Variants in ANKRD33B observed in about 807,000 individuals in gnomAD.
ANKRD33B encodes the protein ankyrin repeat domain-containing protein 33B.
Under a neutral mutation model 21.5 loss-of-function variants are expected in ANKRD33B, and 6 were observed. The observed-to-expected ratio is 0.28, with a 90% confidence interval of 0.15 to 0.55. The LOEUF is 0.55. Among genes scored for constraint, ANKRD33B ranks in the 20% least tolerant of loss-of-function variants. ANKRD33B has a pLI of 0.94. For synonymous variants in ANKRD33B, 347 were observed against 342.4 expected (o/e 1.01, Z -0.15); for missense variants, 698 against 747.2 (o/e 0.93, Z 0.77).
rs1255829716 is a variant in ANKRD33B at position 10,619,096 on chromosome 5, A to T, written c.496+634A>T. Among the ~76,000 whole-genome samples, 1 of 152,060 alleles carries T rather than the reference A, an allele frequency of 6.6e-6. No individual in the cohort carries two copies. Among genetic ancestry groups the T allele is most frequent in the Admixed American group, 6.5e-5 (1 of 15,280 alleles). Reference sequence around the variant, plus strand: ...ACTGTATCCAGACATTTTTTTGAGGACAGACATGAAACCTATGCTTGCCTC... The same window carrying T: ...ACTGTATCCAGACATTTTTTTGAGGTCAGACATGAAACCTATGCTTGCCTC... On this transcript the variant is annotated intron_variant, in intron 2 of 3. Coordinates refer to ENST00000296657, the MANE Select transcript of ANKRD33B (RefSeq NM_001164440.2). The surrounding 1 kb of genome is among the most constrained non-coding windows in gnomAD (Gnocchi z 4.5).
chr5:10,564,522 C>G lies in ANKRD33B; in HGVS notation c.55C>G (p.Pro19Ala). The G allele has an allele frequency of 6.5e-7, 1 of 1,531,652 alleles. No homozygotes were observed. The highest frequency in any genetic ancestry group is 8.7e-7 in the Non-Finnish European group (1 of 1,145,396). The allele number at this position is 1,531,652 out of a possible 1,614,324, so 94.9% of individuals were successfully genotyped here. A position where few individuals can be genotyped will look rare whatever the true frequency, so the allele number is the denominator to read the frequency against. ...PEGGGARCMT[P>A]PPPSPPRGAQ... ...GGGCGGCGGGGCGCGCTGCATGACC[C>G]CACCACCGCCGTCCCCACCCCGGGG... is the stretch of plus-strand genomic sequence containing the variant. Residue 19 changes from proline to alanine, a missense_variant, in exon 1 of 4, where the codon CCA (proline) becomes GCA (alanine). Physicochemically the swap from Pro to Ala is conservative, Grantham distance 27 (BLOSUM62 -1). Coordinates refer to ENST00000296657, the MANE Select transcript of ANKRD33B (RefSeq NM_001164440.2).
At chr5:10,616,277 T>C (rs1329943964) in intron 1 of ANKRD33B, among the ~76,000 whole-genome samples, 1 of 152,138 alleles carries the variant, frequency 6.6e-6, no homozygotes, top group Non-Finnish European at 1.5e-5. Context: ...ATATTCTTAC[T>C]AAAAATTGGC....
intron 1 of ANKRD33B, among the ~76,000 whole-genome samples, chr5:10,604,390 G>A (rs569771026): frequency 1.4e-5 from 2 of 147,562 alleles, no homozygotes; most frequent in Admixed American, 6.8e-5. Flanking sequence ...ATGGGGTTTC[G>A]CCATGTCGAC....
At chr5:10,587,175 C>T (rs770714693) in intron 1 of ANKRD33B, among the ~76,000 whole-genome samples, 5 of 152,052 alleles carry the variant, frequency 3.3e-5, no homozygotes, top group South Asian at 2.1e-4. Context: ...CCACCATGCC[C>T]GGCTGATTTT....
chr5:10,644,129 G>A (rs371417780), intron 3 of ANKRD33B, among the ~76,000 whole-genome samples: 3 of 151,956 alleles, frequency 2.0e-5, no homozygotes, highest in East Asian at 1.9e-4. Flanking sequence ...ATTTAAATAC[G>A]TGATATTAAG....
chr5:10,586,533 GTA>G lies in ANKRD33B; in HGVS notation c.366+21703_366+21704del, dbSNP rs1553991119. Among the ~76,000 whole-genome samples the G allele has an allele frequency of 5.4e-4, 67 of 123,618 alleles. 1 individual carries two copies. The highest frequency in any genetic ancestry group is 4.2e-3 in the Middle Eastern group (1 of 236). 81.1% of individuals were successfully genotyped at this position (123,618 alleles called of 152,430 possible). Reference sequence around the variant, plus strand: ...TGTGTGTGTGTGTGTGTGTGTGTGTGTATACTGCTTTCTTCTCTTTATTTTCC... The same window carrying G: ...TGTGTGTGTGTGTGTGTGTGTGTGTGTACTGCTTTCTTCTCTTTATTTTCC... On this transcript the variant is annotated intron_variant, in intron 1 of 3. Transcript: ENST00000296657.
At chr5:10,604,601 A>G (rs1736004118) in intron 1 of ANKRD33B, among the ~76,000 whole-genome samples, 1 of 151,844 alleles carries the variant, frequency 6.6e-6, no homozygotes, top group Non-Finnish European at 1.5e-5. Flanking sequence ...AGATTTTCTT[A>G]GCTGAGTTGC....
chr5:10,577,478 A>G (rs1224728731), intron 1 of ANKRD33B, among the ~76,000 whole-genome samples: 1 of 152,184 alleles, frequency 6.6e-6, no homozygotes, highest in Non-Finnish European at 1.5e-5. Context: ...GTCGGGGCCC[A>G]TCCTGGGTCT....
At position 10,632,750 on chromosome 5, in the gene ANKRD33B, C is replaced by T. The variant is rs112666461; in HGVS notation, c.497-5278C>T. 2.8e-4 allele frequency among the ~76,000 whole-genome samples: 43 copies of T among 152,224 alleles called. 1 individual carries two copies. Among genetic ancestry groups the T allele is most frequent in the African/African-American group, 7.2e-4 (30 of 41,560 alleles). On this transcript the variant is annotated intron_variant, in intron 2 of 3. Transcript: ENST00000296657. ...GTCCTGACCTTGCACTCTTTTTGAA[C>T]GGCTCTATGCTAGTTTCCCCTTTTT...
intron 1 of ANKRD33B, among the ~76,000 whole-genome samples, chr5:10,580,532 T>G (rs1735422583): frequency 6.6e-6 from 1 of 152,202 alleles, no homozygotes; most frequent in Non-Finnish European, 1.5e-5. Context: ...CCCTTCAGGT[T>G]TTCTCTACCC....
chr5:10,596,095 C>G (rs1359062407), intron 1 of ANKRD33B, among the ~76,000 whole-genome samples: 4 of 152,230 alleles, frequency 2.6e-5, no homozygotes, highest in Non-Finnish European at 5.9e-5. Flanking sequence ...CAAACCAAAA[C>G]AACAGAATGA....
At chr5:10,598,412 A>G (rs1487506053) in intron 1 of ANKRD33B, among the ~76,000 whole-genome samples, 1 of 151,972 alleles carries the variant, frequency 6.6e-6, no homozygotes, top group Non-Finnish European at 1.5e-5. Flanking sequence ...GATTACAGGC[A>G]TGCACCACCA....
At chr5:10,575,466 C>T (rs974232439) in intron 1 of ANKRD33B, among the ~76,000 whole-genome samples, 1 of 151,626 alleles carries the variant, frequency 6.6e-6, no homozygotes, top group Non-Finnish European at 1.5e-5. Flanking sequence ...CATTGTTGGG[C>T]CTTACCTTTA....
rs571673456 is a variant in ANKRD33B, at chr5:10,649,274, G to T, written c.646G>T (p.Val216Phe). ...TGTTTTGCGTTTTGCAGGGGCGGAT[G>T]TCCACGCGAGGGACCCCCGCCGTGG... The part of the protein sequence containing the change: ...IRALMLAGAD[V>F]HARDPRRGMS... The change falls in exon 4 of 4, where the codon GTC becomes TTC. Residue 216 changes from valine (V) to phenylalanine (F), a missense_variant. Physicochemically the swap from Val to Phe is conservative, Grantham distance 50. Coordinates refer to ENST00000296657, the MANE Select transcript of ANKRD33B (RefSeq NM_001164440.2). 6.6e-7 allele frequency: 1 copy of T among 1,521,972 alleles called. No individual in the cohort carries two copies. The highest frequency in any genetic ancestry group is 2.5e-5 in the East Asian group (1 of 40,530). 94.3% of individuals were successfully genotyped at this position (1,521,972 alleles called of 1,614,324 possible). A position where few individuals can be genotyped will look rare whatever the true frequency, so the allele number is the denominator to read the frequency against.
rs533734363 is a variant in ANKRD33B, at chr5:10,631,964, A to T, written c.497-6064A>T. ...TCAGGCGGTTGGTTTATATCAGTGG[A>T]GGAGTCTTTAGAACGGGCTGGTTTC... is the stretch of plus-strand genomic sequence containing the variant. On this transcript the variant is annotated intron_variant, in intron 2 of 3. Transcript: ENST00000296657. Among the ~76,000 whole-genome samples, 4 of 152,260 alleles carry T rather than the reference A, an allele frequency of 2.6e-5. No homozygotes were observed. The East Asian group carries it at 7.7e-4, about 29-fold the overall frequency.
intron 2 of ANKRD33B, among the ~76,000 whole-genome samples, chr5:10,630,609 A>G (rs1029595095): frequency 1.3e-4 from 20 of 152,250 alleles, no homozygotes; most frequent in African/African-American, 4.3e-4. Context: ...CCATGTTCCC[A>G]TAACATGCGT....
chr5:10,564,729 A>G lies in ANKRD33B; in HGVS notation c.262A>G (p.Thr88Ala). ...GVPESVPETATLLRAACANNV... is the reference protein window; with the variant it reads ...GVPESVPETAALLRAACANNV... ...CCCGGAAAGCGTCCCGGAGACGGCG[A>G]CCCTCCTGCGCGCCGCCTGCGCCAA... Residue 88 changes from threonine to alanine, a missense_variant, in exon 1 of 4, where the codon ACC (threonine) becomes GCC (alanine). Around this residue, in one of 3 missense-constraint regions of ANKRD33B, gnomAD observed 148 missense variants for 154.9 expected, o/e 0.96. Transcript: ENST00000296657. 6.5e-7 allele frequency: 1 copy of G among 1,532,462 alleles called. No homozygotes were observed. The highest frequency in any genetic ancestry group is 8.7e-7 in the Non-Finnish European group (1 of 1,145,240). The allele number at this position is 1,532,462 out of a possible 1,614,324, so 94.9% of individuals were successfully genotyped here.
At chr5:10,617,896 T>C (rs1186696443) in intron 1 of ANKRD33B, among the ~76,000 whole-genome samples, 1 of 152,182 alleles carries the variant, frequency 6.6e-6, no homozygotes, top group Non-Finnish European at 1.5e-5. Context: ...CTGCCTTGCC[T>C]CTTTCACACA....
At chr5:10,626,882 A>G (rs990583786) in intron 2 of ANKRD33B, among the ~76,000 whole-genome samples, 5 of 152,266 alleles carry the variant, frequency 3.3e-5, no homozygotes, top group African/African-American at 7.2e-5. Context: ...CAGCAGTCGC[A>G]CTAAGCAGAA....
Sources: gnomAD v4.1 joint callset for allele counts (sites outside exome capture counted in the v4.1 genomes callset) on GRCh38, gnomAD v4.1.1 for gene constraint, gnomAD v4.1.1 regional missense constraint, Gnocchi (gnomAD v3.1) non-coding constraint, MANE v1.5 for transcripts, NCBI Gene and HGNC (gene_info 2026-07-23, HGNC 2026-07-21) for gene names.